The following G3BP2 variants were observed in gnomAD, a reference collection of about 807,000 sequenced individuals.
G3BP2 encodes the protein ras GTPase-activating protein-binding protein 2.
A neutral mutation model predicts 56.7 loss-of-function variants in G3BP2; 11 were observed. The ratio of observed to expected loss-of-function variants is 0.19; its 90% CI spans 0.12 to 0.32. G3BP2 has a LOEUF of 0.32. Ranked by LOEUF, G3BP2 falls within the 10% of genes least tolerant of loss-of-function variation. The probability of loss-of-function intolerance (pLI) is 1.00; values close to 1 mark genes in which losing one functional copy is unlikely to be tolerated. For missense variants in G3BP2, 340 were observed against 610.9 expected (o/e 0.56, Z 4.67); for synonymous variants, 165 against 191.6 (o/e 0.86, Z 1.15).
intron 3 of G3BP2, among the ~76,000 whole-genome samples, chr4:75,702,703 A>G (rs892811969): frequency 6.6e-6 from 1 of 152,214 alleles, no homozygotes; most frequent in Non-Finnish European, 1.5e-5. Flanking sequence ...ACTGCCATGG[A>G]TGTCCCTACC....
chr4:75,705,432 C>A (rs994652534), intron 3 of G3BP2, among the ~76,000 whole-genome samples: 1 of 152,246 alleles, frequency 6.6e-6, no homozygotes, highest in African/African-American at 2.4e-5. Flanking sequence ...TTCCTACTTT[C>A]CAGTGGATTT....
At chr4:75,646,570 C>A in intron 10 of G3BP2, 114 bp from the exon 11 acceptor site, 1 of 745,874 alleles carries the variant, frequency 1.3e-6, no homozygotes. Flanking sequence ...AAATAAAACT[C>A]GCAAGCTTCT....
At position 75,654,584 on chromosome 4, in the gene G3BP2, T is replaced by C. The variant is rs1445670830; in HGVS notation, c.726+482A>G. Among the ~76,000 whole-genome samples, 4 of 152,322 alleles carry C rather than the reference T, an allele frequency of 2.6e-5. No homozygotes were observed. The East Asian group carries it at 5.8e-4, about 22-fold the overall frequency. On this transcript the variant is annotated intron_variant, in intron 7 of 11. Coordinates refer to ENST00000359707, the MANE Select transcript of G3BP2 (RefSeq NM_203505.3). ...GAAGAAAGATAAAAGAAGTTTCAGG[T>C]AGGCTTACATGATACACTAAGGATG...
At chr4:75,719,347 C>CAAAAAAAAA (rs55689229) in intron 3 of G3BP2, among the ~76,000 whole-genome samples, 1 of 86,982 alleles carries the variant, frequency 1.1e-5, no homozygotes, top group African/African-American at 4.6e-5. Flanking sequence ...GACTCCGTCT[C>CAAAAAAAAA]AAAAAAAAAA....
chr4:75,653,492 T>C (rs1316029672), intron 8 of G3BP2, among the ~76,000 whole-genome samples: 2 of 150,816 alleles, frequency 1.3e-5, no homozygotes, highest in African/African-American at 4.9e-5. Context: ...CAGTCATAAG[T>C]TGGTACAGGC....
chr4:75,686,617 C>A (rs1458494643), intron 3 of G3BP2, among the ~76,000 whole-genome samples: 1 of 151,518 alleles, frequency 6.6e-6, no homozygotes, highest in Non-Finnish European at 1.5e-5. Flanking sequence ...TGCTGGCAAC[C>A]ACAAGCAATT....
In G3BP2 at chr4:75,688,345, C is replaced by A. The variant is rs1473810982; in HGVS notation, c.-24-26296G>T. On this transcript the variant is annotated intron_variant, in intron 3 of 3. Transcript: ENST00000499709. ...GGCGTAAGCCACCACACCCGGCCCC[C>A]ATTAAGATTGATAGAGGTTCGGCAC... Among the ~76,000 whole-genome samples, 3 of 152,262 alleles carry A rather than the reference C, an allele frequency of 2.0e-5. No homozygotes were observed. The East Asian group carries it at 5.8e-4, about 29-fold the overall frequency.
At chr4:75,692,412 A>C (rs1578433957) in intron 3 of G3BP2, among the ~76,000 whole-genome samples, 1 of 152,088 alleles carries the variant, frequency 6.6e-6, no homozygotes, top group African/African-American at 2.4e-5. Context: ...CCCAGGTTCA[A>C]GCAATTCTCC....
At chr4:75,674,729 T>TATATATATATACA (rs55653699), upstream of G3BP2, among the ~76,000 whole-genome samples, 3 of 111,324 alleles carry the variant, frequency 2.7e-5, no homozygotes, top group South Asian at 3.1e-4. Context: ...TTTTTTTTTT[T>TATATATATATACA]TTTTTTTTTT....
At chr4:75,658,283 C>T (rs891701337) in intron 3 of G3BP2, among the ~76,000 whole-genome samples, 9 of 152,034 alleles carry the variant, frequency 5.9e-5, no homozygotes, top group African/African-American at 1.7e-4. Flanking sequence ...TTGTAGCCAT[C>T]GTAATATAAC....
rs1023401895 is a variant in G3BP2, at chr4:75,668,764, A to C, written c.-25+4444T>G. Reference sequence around the variant, plus strand: ...GCAATGATTGAAACCCTATGCATTTATCTGGGCCCAGCAGAAATCCTGTCC... The same window carrying C: ...GCAATGATTGAAACCCTATGCATTTCTCTGGGCCCAGCAGAAATCCTGTCC... On this transcript the variant is annotated intron_variant, in intron 1 of 11. Transcript: ENST00000359707. Among the ~76,000 whole-genome samples, 3 of 152,206 alleles carry C rather than the reference A, an allele frequency of 2.0e-5. No homozygotes were observed. The East Asian group carries it at 5.8e-4, about 29-fold the overall frequency.
intron 3 of G3BP2, among the ~76,000 whole-genome samples, chr4:75,718,094 T>A (rs1229066898): frequency 1.7e-4 from 26 of 150,906 alleles, no homozygotes; most frequent in Admixed American, 1.7e-3. Flanking sequence ...CAAGGTAGCA[T>A]CACTGCACTC....
Position 75,645,341 on chromosome 4 carries a change from G to T in G3BP2, c.*89C>A. 8.3e-7 allele frequency: 1 copy of T among 1,205,372 alleles called. No individual in the cohort carries two copies. Among genetic ancestry groups the T allele is most frequent in the Non-Finnish European group, 1.2e-6 (1 of 855,590 alleles). The allele number at this position is 1,205,372 out of a possible 1,614,324, so 74.7% of individuals were successfully genotyped here. On this transcript the variant is annotated 3_prime_UTR_variant, in exon 12 of 12. Transcript: ENST00000359707. ...TCAAAGAAATGATCAAAAAGGCTGT[G>T]TCACATTCCAAAGCCAAAAAAAAAA... is the stretch of plus-strand genomic sequence containing the variant.
intron 3 of G3BP2, among the ~76,000 whole-genome samples, chr4:75,692,954 C>T (rs994520397): frequency 6.6e-6 from 1 of 152,120 alleles, no homozygotes; most frequent in Non-Finnish European, 1.5e-5. Context: ...CTTTTAAAAT[C>T]GAGAAATTTC....
intron 2 of G3BP2, among the ~76,000 whole-genome samples, chr4:75,721,967 C>T (rs1720195239): frequency 6.6e-6 from 1 of 152,120 alleles, no homozygotes. Flanking sequence ...CAGGCCGTCA[C>T]AATTTGTTCA....
intron 3 of G3BP2, among the ~76,000 whole-genome samples, chr4:75,693,866 C>T (rs1040088953): frequency 2.0e-5 from 3 of 150,046 alleles, no homozygotes; most frequent in East Asian, 3.9e-4. Flanking sequence ...TCCCAAGTAA[C>T]GAGGCCCACA....
intron 3 of G3BP2, among the ~76,000 whole-genome samples, chr4:75,711,882 G>C (rs2149109806): frequency 6.6e-6 from 1 of 152,188 alleles, no homozygotes; most frequent in Non-Finnish European, 1.5e-5. Flanking sequence ...TGGGGTTCCA[G>C]ATGACATTTC....
chr4:75,673,192 C>T lies in G3BP2; in HGVS notation c.-25+16G>A, dbSNP rs1184340424. ...CGACCACCACACCGACCTCCCCTCCCGGCGCCCGTACACACCTCCAGCCAA... is the reference window on the plus strand; with the variant it reads ...CGACCACCACACCGACCTCCCCTCCTGGCGCCCGTACACACCTCCAGCCAA... On this transcript the variant is annotated intron_variant, in intron 1 of 11. Transcript: ENST00000359707. The T allele has an allele frequency of 2.5e-6, 3 of 1,197,446 alleles. No individual in the cohort carries two copies. Among genetic ancestry groups the T allele is most frequent in the Non-Finnish European group, 3.1e-6 (3 of 966,270 alleles). 74.2% of individuals were successfully genotyped at this position (1,197,446 alleles called of 1,614,324 possible). A position where few individuals can be genotyped will look rare whatever the true frequency, so the allele number is the denominator to read the frequency against.
intron 3 of G3BP2, among the ~76,000 whole-genome samples, chr4:75,704,311 G>A (rs1158956591): frequency 6.6e-6 from 1 of 151,756 alleles, no homozygotes; most frequent in Admixed American, 6.6e-5. Flanking sequence ...GCCCCCGCCG[G>A]ACCTGTTTGT....
Sources: allele counts gnomAD v4.1 joint callset (sites outside exome capture counted in the v4.1 genomes callset), GRCh38; gene constraint gnomAD v4.1.1; transcripts MANE v1.5; gene names NCBI Gene and HGNC (gene_info 2026-07-23, HGNC 2026-07-21).